Variants in PRKCI observed in about 807,000 individuals in gnomAD.
The protein encoded by PRKCI is protein kinase C iota, also known as protein kinase C iota type.
Under a neutral mutation model 84.0 loss-of-function variants are expected in PRKCI, and 43 were observed. That is an observed-to-expected ratio of 0.51 (90% CI 0.40 to 0.66). PRKCI has a LOEUF of 0.66. Among genes scored for constraint, PRKCI ranks in the 30% least tolerant of loss-of-function variants. PRKCI has a pLI of 0.00. For missense variants in PRKCI, 459 were observed against 745.6 expected, an observed-to-expected ratio of 0.62 and a Z score of 4.48; for synonymous variants, 216 against 234.4, an observed-to-expected ratio of 0.92 and a Z score of 0.72.
intron 3 of PRKCI, among the ~76,000 whole-genome samples, chr3:170,262,758 C>T (rs1025019454): frequency 2.6e-5 from 4 of 151,936 alleles, no homozygotes; most frequent in East Asian, 1.9e-4. Flanking sequence ...AGATTAGAGG[C>T]GTAAGCCAAC....
chr3:170,254,157 A>G (rs1392622133), intron 2 of PRKCI, among the ~76,000 whole-genome samples: 2 of 137,364 alleles, frequency 1.5e-5, no homozygotes, highest in Middle Eastern at 3.3e-3. Flanking sequence ...TCAGATTATT[A>G]GGTTTTTTTT....
intron 2 of PRKCI, among the ~76,000 whole-genome samples, chr3:170,249,665 G>A (rs1215322443): frequency 2.0e-5 from 3 of 151,920 alleles, no homozygotes; most frequent in Non-Finnish European, 4.4e-5. Context: ...GGTGGCATGA[G>A]CCTGTGGGAT....
intron 2 of PRKCI, among the ~76,000 whole-genome samples, chr3:170,248,650 G>A (rs1248746121): frequency 6.6e-6 from 1 of 152,124 alleles, no homozygotes; most frequent in East Asian, 1.9e-4. Context: ...AAACAAAATG[G>A]ATTTGAACAT....
At chr3:170,281,464 G>T in intron 10 of PRKCI, 1 of 501,930 alleles carries the variant, frequency 2.0e-6, no homozygotes, top group Non-Finnish European at 3.5e-6. Context: ...ACCTACTTTA[G>T]GCAGAACAGG....
At chr3:170,240,578 T>G (rs1351102824) in intron 2 of PRKCI, among the ~76,000 whole-genome samples, 1 of 152,222 alleles carries the variant, frequency 6.6e-6, no homozygotes, top group Non-Finnish European at 1.5e-5. Flanking sequence ...CAGTAATTAT[T>G]TTTAAGTTAC....
intron 2 of PRKCI, among the ~76,000 whole-genome samples, chr3:170,244,365 G>T (rs1212433472): frequency 3.3e-5 from 5 of 152,026 alleles, no homozygotes; most frequent in African/African-American, 1.2e-4. Context: ...TTAGGTAATG[G>T]GACCCCCTTA....
intron 1 of PRKCI, among the ~76,000 whole-genome samples, chr3:170,231,939 C>T (rs531568373): frequency 7.2e-5 from 11 of 152,126 alleles, no homozygotes; most frequent in Non-Finnish European, 1.2e-4. Flanking sequence ...TGGTGGCTCA[C>T]GCCTGTAATT....
chr3:170,235,788 A>C (rs1433790301), intron 2 of PRKCI, among the ~76,000 whole-genome samples: 7 of 151,912 alleles, frequency 4.6e-5, no homozygotes, highest in African/African-American at 1.7e-4. Flanking sequence ...GCTGGTCTCA[A>C]ACTCCTGACC....
At chr3:170,262,878 C>A (rs115555756) in intron 3 of PRKCI, among the ~76,000 whole-genome samples, 1 of 144,464 alleles carries the variant, frequency 6.9e-6, no homozygotes, top group Non-Finnish European at 1.5e-5. Flanking sequence ...GCAAATAAAA[C>A]CTTCTTTTGT....
intron 2 of PRKCI, among the ~76,000 whole-genome samples, chr3:170,258,255 A>G (rs182029875): frequency 4.6e-4 from 70 of 151,716 alleles, no homozygotes; most frequent in African/African-American, 1.4e-3. Context: ...TAGCAAATCA[A>G]TGGCAGAGTG....
intron 3 of PRKCI, among the ~76,000 whole-genome samples, chr3:170,261,127 ATTTTTTT>A (rs982994574): frequency 7.4e-6 from 1 of 134,624 alleles, no homozygotes; most frequent in East Asian, 2.2e-4. Flanking sequence ...TGACTGGCTA[ATTTTTTT>A]TTTTTTTTTT....
chr3:170,271,728 G>A (rs1186928056), intron 6 of PRKCI, among the ~76,000 whole-genome samples: 1 of 152,146 alleles, frequency 6.6e-6, no homozygotes, highest in African/African-American at 2.4e-5. Context: ...GGATGTCGAG[G>A]TTTGATTAGA....
chr3:170,259,264 G>A (rs1194820088), intron 2 of PRKCI, among the ~76,000 whole-genome samples: 1 of 152,188 alleles, frequency 6.6e-6, no homozygotes, highest in African/African-American at 2.4e-5. Flanking sequence ...CCAGCACTTT[G>A]GGAGGCCCAG....
In PRKCI at chr3:170,304,777, TAAA is replaced by T. The variant is rs1684555957; in HGVS notation, c.*1653_*1655del. 1 of 151,816 alleles carries T rather than the reference TAAA, an allele frequency of 6.6e-6. No individual in the cohort carries two copies. Among genetic ancestry groups the T allele is most frequent in the South Asian group, 2.1e-4 (1 of 4,832 alleles). 9.4% of individuals were successfully genotyped at this position (151,816 alleles called of 1,614,324 possible). On this transcript the variant is annotated 3_prime_UTR_variant, in exon 18 of 18. Transcript: ENST00000295797. ...AATATATTTTTAATGAAAAGGGACT[TAAA>T]AAGTAAACATGATTATCTAAATTAC...
intron 1 of PRKCI, among the ~76,000 whole-genome samples, chr3:170,225,264 G>A (rs1237283091): frequency 6.6e-6 from 1 of 152,110 alleles, no homozygotes; most frequent in Non-Finnish European, 1.5e-5. Context: ...ACTCTAAATT[G>A]TACCAAATTC....
chr3:170,273,765 A>G (rs1399357048), intron 7 of PRKCI, among the ~76,000 whole-genome samples: 4 of 151,290 alleles, frequency 2.6e-5, no homozygotes, highest in Non-Finnish European at 4.4e-5. Context: ...CAGTGAGCCA[A>G]GATCATGCCA....
intron 1 of PRKCI, among the ~76,000 whole-genome samples, chr3:170,227,682 A>G (rs960092938): frequency 6.6e-6 from 1 of 152,226 alleles, no homozygotes; most frequent in Non-Finnish European, 1.5e-5. Flanking sequence ...CACTGATGAG[A>G]AATGAGGCTA....
chr3:170,242,551 TTTATAATGTTAAAACA>T (rs1560168935), intron 2 of PRKCI, among the ~76,000 whole-genome samples: 1 of 152,192 alleles, frequency 6.6e-6, no homozygotes, highest in African/African-American at 2.4e-5. Flanking sequence ...ATAGTTTTCC[TTTATAATGTTAAAACA>T]TTATAATGTT....
chr3:170,240,429 AGCTATG>A (rs1733100204), intron 2 of PRKCI, among the ~76,000 whole-genome samples: 1 of 152,164 alleles, frequency 6.6e-6, no homozygotes. Flanking sequence ...TTCTGGGGAA[AGCTATG>A]AAGCTCTAGG....
Sources: gnomAD v4.1 joint callset for allele counts (sites outside exome capture counted in the v4.1 genomes callset) on GRCh38, gnomAD v4.1.1 for gene constraint, MANE v1.5 for transcripts, NCBI Gene and HGNC (gene_info 2026-07-23, HGNC 2026-07-21) for gene names.